The following TRAF2 variants were observed in gnomAD, a reference collection of about 807,000 sequenced individuals.
TRAF2 encodes TNF receptor-associated factor 2.
Under a neutral mutation model 55.6 loss-of-function variants are expected in TRAF2, and 6 were observed. The ratio of observed to expected loss-of-function variants is 0.11; its 90% confidence interval spans 0.06 to 0.21. TRAF2 has a LOEUF of 0.21. TRAF2 is among the 10% of genes least tolerant of loss of function. The pLI is 1.00. For synonymous variants in TRAF2, 329 were observed against 276.3 expected (o/e 1.19, Z -1.89); for missense variants, 561 against 684.5 (o/e 0.82, Z 2.01).
At chr9:136,915,919 T>A (rs1193333975) in intron 6 of TRAF2, among the ~76,000 whole-genome samples, 4 of 151,858 alleles carry the variant, frequency 2.6e-5, no homozygotes, top group African/African-American at 9.7e-5. Flanking sequence ...CATGTGTGGG[T>A]TTGGTTTTCT....
intron 7 of TRAF2, 44 bp downstream of exon 7, chr9:136,916,659 G>A: frequency 1.3e-6 from 2 of 1,595,114 alleles, no homozygotes; most frequent in South Asian, 1.1e-5. Context: ...CTCATCCTGG[G>A]TGTGGTCTTC....
At chr9:136,924,889 C>A (rs1010537968) in intron 10 of TRAF2, among the ~76,000 whole-genome samples, 1 of 152,138 alleles carries the variant, frequency 6.6e-6, no homozygotes, top group East Asian at 2.0e-4. Flanking sequence ...CAGGCATGCA[C>A]CACCACGCCC....
At chr9:136,922,768 T>G (rs570879021) in intron 9 of TRAF2, among the ~76,000 whole-genome samples, 1 of 66,944 alleles carries the variant, frequency 1.5e-5, no homozygotes, top group African/African-American at 6.2e-5. Flanking sequence ...GGTGGAGGAC[T>G]AGGACGGGGG....
At chr9:136,894,082 C>T (rs1230663264) in intron 1 of TRAF2, among the ~76,000 whole-genome samples, 2 of 133,710 alleles carry the variant, frequency 1.5e-5, no homozygotes, top group African/African-American at 5.7e-5. Flanking sequence ...AGTCTTGCCT[C>T]ATCGCCCAGG....
chr9:136,894,447 G>A (rs1479447674), intron 1 of TRAF2, among the ~76,000 whole-genome samples: 5 of 152,164 alleles, frequency 3.3e-5, no homozygotes, highest in Admixed American at 3.3e-4. Context: ...GAAGGCTGCT[G>A]GGCCTTGTCC....
At chr9:136,909,782 C>A in intron 5 of TRAF2, 138 bp from the exon 6 acceptor site, 1 of 789,292 alleles carries the variant, frequency 1.3e-6, no homozygotes, top group Non-Finnish European at 2.1e-6. Flanking sequence ...CCGGGAGGAG[C>A]ACTGTCCTTC....
rs1329828741 is a variant in TRAF2 at position 136,916,585 on chromosome 9, C to T, written c.648C>T (p.Cys216=). 6.2e-7 allele frequency: 1 copy of T among 1,613,924 alleles called. No individual in the cohort carries two copies. Among genetic ancestry groups the T allele is most frequent in the African/African-American group, 1.3e-5 (1 of 74,912 alleles). ...CTTGTGGCAAGTGTCGAGTCCCTTG[C>T]AGATTCCACGCCATCGGCTGCCTCG... ...VKTCGKCRVP[C]RFHAIGCLET... is the part of the protein sequence containing the mutation. The change falls in exon 7 of 11, where the codon TGC becomes TGT. Residue 216 remains cysteine (C), a synonymous_variant. Transcript: ENST00000247668.
intron 7 of TRAF2, 136 bp from the exon 8 acceptor site, chr9:136,920,098 C>T: frequency 1.8e-6 from 2 of 1,127,622 alleles, no homozygotes; most frequent in Non-Finnish European, 2.4e-6. Context: ...CAGCCATGAC[C>T]AGGCCACCCA....
intron 1 of TRAF2, chr9:136,890,279 G>A (rs1849554857): frequency 6.6e-6 from 1 of 152,286 alleles, no homozygotes; most frequent in African/African-American, 2.4e-5. Context: ...TTAGCTGATA[G>A]AATTGGGAGT....
intron 4 of TRAF2, among the ~76,000 whole-genome samples, chr9:136,907,233 C>T (rs1394753057): frequency 2.0e-5 from 3 of 152,374 alleles, no homozygotes; most frequent in South Asian, 2.1e-4. Flanking sequence ...CACCGGCTCC[C>T]GCTTCCCTAG....
At chr9:136,900,793 G>A (rs932500219) in intron 4 of TRAF2, 10 of 410,380 alleles carry the variant, frequency 2.4e-5, no homozygotes, top group East Asian at 5.5e-5. Context: ...CTTGTCTGTC[G>A]ATGGGGGTGC....
At position 136,926,264 on chromosome 9, in the gene TRAF2, G is replaced by GC. The variant is rs1321827743; in HGVS notation, c.*364dup. ...AGCACATCCCAGCAGTGCCCATGTA[G>GC]CAGGAGCACAGTGGATGGCCTTGTG... On this transcript the variant is annotated 3_prime_UTR_variant, in exon 11 of 11. Coordinates refer to ENST00000247668, the MANE Select transcript of TRAF2 (RefSeq NM_021138.4). The GC allele has an allele frequency of 7.6e-6, 3 of 394,002 alleles. No homozygotes were observed. Among genetic ancestry groups the GC allele is most frequent in the Admixed American group, 3.6e-5 (1 of 28,128 alleles). The allele number at this position is 394,002 out of a possible 1,614,324, so 24.4% of individuals were successfully genotyped here. A position where few individuals can be genotyped will look rare whatever the true frequency, so the allele number is the denominator to read the frequency against.
intron 4 of TRAF2, among the ~76,000 whole-genome samples, chr9:136,902,575 C>T (rs1222457584): frequency 6.6e-6 from 1 of 152,200 alleles, no homozygotes; most frequent in Non-Finnish European, 1.5e-5. Flanking sequence ...GGTGGAAAGT[C>T]CCTGGCTGCA....
At chr9:136,886,269 G>C (rs1201020275), upstream of TRAF2, 2 of 429,516 alleles carry the variant, frequency 4.7e-6, no homozygotes, top group East Asian at 1.6e-4. Context: ...AAAAAGCAGA[G>C]GGCGACTTAG....
At chr9:136,887,172 C>G (rs967327553) in intron 1 of TRAF2, among the ~76,000 whole-genome samples, 9 of 152,096 alleles carry the variant, frequency 5.9e-5, no homozygotes, top group East Asian at 5.8e-4. Flanking sequence ...CAGCAAGGAG[C>G]CAGTGCGGGG....
chr9:136,912,962 T>C (rs1850152881), intron 6 of TRAF2, among the ~76,000 whole-genome samples: 1 of 152,078 alleles, frequency 6.6e-6, no homozygotes, highest in African/African-American at 2.4e-5. Context: ...GCAAAACCCC[T>C]TCTCTACTAA....
intron 1 of TRAF2, among the ~76,000 whole-genome samples, chr9:136,890,133 C>G (rs571249442): frequency 6.7e-6 from 1 of 150,166 alleles, no homozygotes; most frequent in African/African-American, 2.5e-5. Context: ...CCACTGCACG[C>G]TCGTTCAGCC....
intron 1 of TRAF2, among the ~76,000 whole-genome samples, chr9:136,891,079 G>A (rs1239552423): frequency 6.6e-6 from 1 of 151,976 alleles, no homozygotes; most frequent in Non-Finnish European, 1.5e-5. Context: ...CATCACACTT[G>A]GCCATTTTTT....
Position 136,921,296 on chromosome 9 carries a change from A to G in TRAF2, c.1138+81A>G, listed in dbSNP as rs1850379118. On this transcript the variant is annotated intron_variant, in intron 9 of 10. Coordinates refer to ENST00000247668, the MANE Select transcript of TRAF2 (RefSeq NM_021138.4). ...CCCCTCACCCCTGTGACCACATAGG[A>G]TGGCTCCCAAGGGTGGGGCTGGGAT... 9 of 1,558,446 alleles carry G rather than the reference A, an allele frequency of 5.8e-6. No individual in the cohort carries two copies. The Admixed American group carries it at 1.2e-4, about 21-fold the overall frequency.
Sources: allele counts gnomAD v4.1 joint callset (sites outside exome capture counted in the v4.1 genomes callset), GRCh38; gene constraint gnomAD v4.1.1; transcripts MANE v1.5; gene names NCBI Gene and HGNC (gene_info 2026-07-23, HGNC 2026-07-21).